CACNA2D4: variants seen among roughly 807,000 people sequenced by gnomAD.
CACNA2D4 encodes the protein voltage-dependent calcium channel subunit alpha-2/delta-4.
A neutral mutation model predicts 163.8 loss-of-function variants in CACNA2D4; 157 were observed. That is an observed-to-expected ratio of 0.96 (90% CI 0.84 to 1.09). The LOEUF (loss-of-function observed/expected upper bound fraction) is 1.09. CACNA2D4 is among the 50% of genes least tolerant of loss of function. The pLI is 0.00. For synonymous variants in CACNA2D4, 598 were observed against 586.9 expected, an observed-to-expected ratio of 1.02 and a Z score of -0.27; for missense variants, 1,410 against 1,479.9, an observed-to-expected ratio of 0.95 and a Z score of 0.78.
At chr12:1,797,340 G>T in intron 35 of CACNA2D4, 78 bp downstream of exon 35, 1 of 1,081,278 alleles carries the variant, frequency 9.2e-7, no homozygotes, top group Non-Finnish European at 1.4e-6. Flanking sequence ...CGGGGGTTCC[G>T]GGGCCCTGCC....
intron 19 of CACNA2D4, 127 bp downstream of exon 19, chr12:1,860,018 T>C: frequency 1.4e-6 from 1 of 727,114 alleles, no homozygotes; most frequent in East Asian, 2.7e-5. Context: ...AAAGCAGGTC[T>C]ACACCTCAAG....
Position 1,829,472 on chromosome 12 carries a change from G to GTGCTCAC in CACNA2D4, c.2551+11260_2551+11266dup, listed in dbSNP as rs2154447001. 6.6e-6 allele frequency among the ~76,000 whole-genome samples: 1 copy of GTGCTCAC among 152,164 alleles called. No individual in the cohort carries two copies. The highest frequency in any genetic ancestry group is 2.1e-4 in the South Asian group (1 of 4,810). On this transcript the variant is annotated intron_variant, in intron 26 of 37. Transcript: ENST00000382722. The surrounding 1 kb of genome is among the most constrained non-coding windows in gnomAD (Gnocchi z 4.2). ...TCCGGTGGCTTCCATGGCTGTACCT[G>GTGCTCAC]TGCTCACTTCTCGCCAAGAACAGTG...
chr12:1,860,203 G>A lies in CACNA2D4; in HGVS notation c.1882C>T (p.Arg628Ter), dbSNP rs200098356. ...TAGTCATTGGTCAGGAAAAGAACTCGCTTCTGAAAGAGTAGACAAGGAAAG... is the reference window on the plus strand; with the variant it reads ...TAGTCATTGGTCAGGAAAAGAACTCACTTCTGAAAGAGTAGACAAGGAAAG... ...DVKVPMDKGK[R>*]VLFLTNDYFF... is the part of the protein sequence containing the mutation. Residue 628 changes from arginine (R) to a stop codon, truncating the protein, a stop_gained, in exon 19 of 38, where the codon CGA (arginine) becomes TGA (stop). Coordinates refer to ENST00000382722, the MANE Select transcript of CACNA2D4 (RefSeq NM_172364.5). LOFTEE classifies it high-confidence loss of function. 3.5e-4 allele frequency: 562 copies of A among 1,613,112 alleles called. 8 individuals are homozygous for A. The highest frequency in any genetic ancestry group is 8.4e-4 in the South Asian group (76 of 90,998).
rs750066308 is a variant in CACNA2D4, at chr12:1,840,822, G to A, written c.2471-3C>T. 3 of 1,586,882 alleles carry A rather than the reference G, an allele frequency of 1.9e-6. No individual in the cohort carries two copies. The South Asian group carries it at 3.4e-5, about 18-fold the overall frequency. ...CACCATGGGTTCACCCGCACTTTCTGGGGAAACAGAGACAACCCAGTCATG... is the reference window on the plus strand; with the variant it reads ...CACCATGGGTTCACCCGCACTTTCTAGGGAAACAGAGACAACCCAGTCATG... On this transcript the variant is annotated splice_polypyrimidine_tract_variant and splice_region_variant and intron_variant, in intron 25 of 37. Transcript: ENST00000382722.
intron 14 of CACNA2D4, 34 bp from the exon 15 acceptor site, chr12:1,879,070 C>T (rs369929699): frequency 1.3e-6 from 2 of 1,578,670 alleles, no homozygotes; most frequent in African/African-American, 1.3e-5. Flanking sequence ...GGGGGAGACC[C>T]AGCTTCCCTG....
At chr12:1,908,217 TC>T (rs1417225294) in intron 4 of CACNA2D4, among the ~76,000 whole-genome samples, 180 bp from the exon 5 acceptor site, 13 of 152,300 alleles carry the variant, frequency 8.5e-5, no homozygotes, top group African/African-American at 3.1e-4. Flanking sequence ...GACAAAAATA[TC>T]CAGGAGGCCG....
intron 1 of CACNA2D4, 99 bp downstream of exon 1, chr12:1,918,148 C>T: frequency 8.3e-6 from 7 of 843,902 alleles, no homozygotes; most frequent in Non-Finnish European, 1.3e-5. Flanking sequence ...AGAGGGAGGG[C>T]AGGGGCGGGA....
intron 26 of CACNA2D4, 58 bp downstream of exon 26, chr12:1,840,681 C>A (rs963966964): frequency 6.9e-7 from 1 of 1,441,858 alleles, no homozygotes; most frequent in Non-Finnish European, 9.7e-7. Context: ...TGATCTATGC[C>A]TTGCTCTTTA....
chr12:1,834,845 C>T lies in CACNA2D4; in HGVS notation c.2551+5894G>A, dbSNP rs1864788189. ...CCGAGTCCACCCTCCTCCCCGCCCT[C>T]CAGCAGACAAGCCACACCGGGTTCT... On this transcript the variant is annotated intron_variant, in intron 26 of 37. Transcript: ENST00000382722. This position sits in a 1 kb window ranked among gnomAD's most constrained non-coding sequence, Gnocchi z 7.6. The T allele has an allele frequency of 1.4e-6, 2 of 1,430,304 alleles. No homozygotes were observed. Among genetic ancestry groups the T allele is most frequent in the South Asian group, 1.5e-5 (1 of 67,268 alleles). The allele number at this position is 1,430,304 out of a possible 1,614,324, so 88.6% of individuals were successfully genotyped here.
intron 3 of CACNA2D4, among the ~76,000 whole-genome samples, chr12:1,911,021 ATTTTTT>A (rs374264665): frequency 4.7e-4 from 63 of 133,462 alleles, no homozygotes; most frequent in African/African-American, 1.7e-3. Context: ...CCGCAATACA[ATTTTTT>A]TTTTTTTTTT....
Position 1,886,248 on chromosome 12 carries a change from T to TC in CACNA2D4, c.967dup (p.Glu323GlyfsTer3), listed in dbSNP as rs1159153645. The TC allele has an allele frequency of 6.2e-7, 1 of 1,613,230 alleles. No homozygotes were observed. The highest frequency in any genetic ancestry group is 1.1e-5 in the South Asian group (1 of 91,048). ...CGCTATGATATTAATGAAGTCATTC[T>TC]CCCCCAGGGTGTCCAAGATGGTGGT... On this transcript the variant is annotated frameshift_variant, in exon 8 of 38. Transcript: ENST00000382722. LOFTEE classifies it high-confidence loss of function.
intron 6 of CACNA2D4, among the ~76,000 whole-genome samples, chr12:1,889,017 G>A (rs977209676): frequency 2.0e-5 from 3 of 152,222 alleles, no homozygotes; most frequent in Admixed American, 2.0e-4. Flanking sequence ...CAAAGGAAGA[G>A]CAGTTAAACT....
At chr12:1,914,486 C>T (rs1866912266) in intron 2 of CACNA2D4, among the ~76,000 whole-genome samples, 1 of 152,142 alleles carries the variant, frequency 6.6e-6, no homozygotes, top group African/African-American at 2.4e-5. Flanking sequence ...TTCCAGGGCC[C>T]TGCACGTGCC....
At chr12:1,822,930 T>G (rs942801545) in intron 26 of CACNA2D4, among the ~76,000 whole-genome samples, 14 of 152,160 alleles carry the variant, frequency 9.2e-5, no homozygotes, top group African/African-American at 3.4e-4. Context: ...TCAGCCTTCC[T>G]GGGGTTGGTG....
At chr12:1,900,980 A>T (rs2154451106) in intron 6 of CACNA2D4, among the ~76,000 whole-genome samples, 1 of 152,362 alleles carries the variant, frequency 6.6e-6, no homozygotes, top group Non-Finnish European at 1.5e-5. Context: ...TTTCAAAAAA[A>T]TTGAAATAAC....
intron 24 of CACNA2D4, among the ~76,000 whole-genome samples, chr12:1,846,177 A>C (rs1865138118): frequency 6.6e-6 from 1 of 152,148 alleles, no homozygotes; most frequent in Non-Finnish European, 1.5e-5. Flanking sequence ...CACAGCCAGA[A>C]GATTCAGCCT....
chr12:1,834,954 A>G lies in CACNA2D4; in HGVS notation c.2551+5785T>C. 1.4e-6 allele frequency: 1 copy of G among 722,466 alleles called. No individual in the cohort carries two copies. The highest frequency in any genetic ancestry group is 2.2e-6 in the Non-Finnish European group (1 of 464,102). 44.8% of individuals were successfully genotyped at this position (722,466 alleles called of 1,614,324 possible). A position where few individuals can be genotyped will look rare whatever the true frequency, so the allele number is the denominator to read the frequency against. ...CCTGTCTGGGCCAGTAAATCTTTGG[A>G]ACATGTGGGGGATCTCCCTAAGCTC... On this transcript the variant is annotated intron_variant, in intron 26 of 37. Transcript: ENST00000382722. The surrounding 1 kb of genome is among the most constrained non-coding windows in gnomAD (Gnocchi z 7.6).
chr12:1,829,763 T>C lies in CACNA2D4; in HGVS notation c.2551+10976A>G, dbSNP rs1864535188. 6.7e-6 allele frequency among the ~76,000 whole-genome samples: 1 copy of C among 148,936 alleles called. No homozygotes were observed. Among genetic ancestry groups the C allele is most frequent in the Non-Finnish European group, 1.5e-5 (1 of 67,268 alleles). On this transcript the variant is annotated intron_variant, in intron 26 of 37. Transcript: ENST00000382722. The surrounding 1 kb of genome is among the most constrained non-coding windows in gnomAD (Gnocchi z 4.2). ...GTGGGCCGATGGGCTGTGAGCTGGG[T>C]CTGAACTTCTCCATCAGTTCTCTGG...
At chr12:1,803,155 G>C (rs1863396357) in intron 29 of CACNA2D4, among the ~76,000 whole-genome samples, 1 of 152,260 alleles carries the variant, frequency 6.6e-6, no homozygotes, top group African/African-American at 2.4e-5. Flanking sequence ...CAATCTCAAG[G>C]AAAGCCAGGC....
Sources: allele counts gnomAD v4.1 joint callset (sites outside exome capture counted in the v4.1 genomes callset), GRCh38; gene constraint gnomAD v4.1.1; non-coding constraint Gnocchi (gnomAD v3.1); transcripts MANE v1.5; gene names NCBI Gene and HGNC (gene_info 2026-07-23, HGNC 2026-07-21).